Variants in MECOM observed in about 807,000 individuals in gnomAD.
The protein encoded by MECOM is MDS1 and EVI1 complex locus, also known as histone-lysine N-methyltransferase MECOM.
MECOM carries 13 observed loss-of-function variants against 116.3 expected under a neutral mutation model. That is an observed-to-expected ratio of 0.11 (90% CI 0.07 to 0.18). The LOEUF (loss-of-function observed/expected upper bound fraction) is 0.18, where lower values mean the gene tolerates loss of function less well. Among genes scored for constraint, MECOM ranks in the 10% least tolerant of loss-of-function variants. The pLI is 1.00. For synonymous variants in MECOM, 528 were observed against 535.2 expected (o/e 0.99, Z 0.19); for missense variants, 1,299 against 1,509.0 (o/e 0.86, Z 2.31).
intron 2 of MECOM, among the ~76,000 whole-genome samples, chr3:169,350,291 C>G (rs1726099633): frequency 6.6e-6 from 1 of 151,912 alleles, no homozygotes; most frequent in Non-Finnish European, 1.5e-5. Flanking sequence ...AGCTCTACCC[C>G]CAAAGTAGTT....
At chr3:169,453,903 C>T (rs1164098468) in intron 1 of MECOM, among the ~76,000 whole-genome samples, 1 of 151,710 alleles carries the variant, frequency 6.6e-6, no homozygotes. Context: ...GTAAATAAGG[C>T]TAAAAGCAAT....
intron 1 of MECOM, among the ~76,000 whole-genome samples, chr3:169,504,443 G>A (rs1365128545): frequency 6.6e-6 from 1 of 152,016 alleles, no homozygotes; most frequent in Non-Finnish European, 1.5e-5. Context: ...ATTGCTTTAA[G>A]TCTCATTTTA....
intron 2 of MECOM, among the ~76,000 whole-genome samples, chr3:169,238,891 T>A (rs1224919729): frequency 2.0e-5 from 3 of 152,150 alleles, no homozygotes; most frequent in African/African-American, 4.8e-5. Context: ...AAAATATGTA[T>A]TATGATTAAT....
rs146822221 is a variant in MECOM at position 169,595,265 on chromosome 3, T to A, written c.37+68071A>T. 6.6e-5 allele frequency among the ~76,000 whole-genome samples: 10 copies of A among 152,292 alleles called. No individual in the cohort carries two copies. In the East Asian group the frequency reaches 1.9e-3, roughly 29 times the overall value. On this transcript the variant is annotated intron_variant, in intron 1 of 16. Transcript: ENST00000651503. ...TCTAAACCCAAAATGCACAAGGAAGTGAAGTATACGTAGAAAATTCATCTC... is the reference window on the plus strand; with the variant it reads ...TCTAAACCCAAAATGCACAAGGAAGAGAAGTATACGTAGAAAATTCATCTC...
chr3:169,551,677 CT>C (rs1391989774), intron 1 of MECOM, among the ~76,000 whole-genome samples: 1 of 152,204 alleles, frequency 6.6e-6, no homozygotes, highest in Non-Finnish European at 1.5e-5. Flanking sequence ...TATAGAGTTA[CT>C]ATGTTACCCA....
At chr3:169,270,938 T>C (rs1393756095) in intron 2 of MECOM, among the ~76,000 whole-genome samples, 1 of 152,222 alleles carries the variant, frequency 6.6e-6, no homozygotes, top group Non-Finnish European at 1.5e-5. Context: ...TTAAATTTTT[T>C]GTAATACTGC....
At chr3:169,453,234 AAGCAACTAT>A (rs1263772188) in intron 1 of MECOM, among the ~76,000 whole-genome samples, 2 of 152,224 alleles carry the variant, frequency 1.3e-5, no homozygotes, top group Non-Finnish European at 2.9e-5. Context: ...TTCAGAGAGC[AAGCAACTAT>A]ATTTATCCTG....
intron 1 of MECOM, among the ~76,000 whole-genome samples, chr3:169,429,900 T>A (rs1741327196): frequency 6.6e-6 from 1 of 152,224 alleles, no homozygotes; most frequent in Admixed American, 6.5e-5. Context: ...AATCAGGTAG[T>A]CTCTGTGTTG....
chr3:169,599,254 G>A (rs958712944), intron 1 of MECOM, among the ~76,000 whole-genome samples: 1 of 152,184 alleles, frequency 6.6e-6, no homozygotes, highest in South Asian at 2.1e-4. Context: ...GGTGGCTCAT[G>A]CCTGTAATCC....
chr3:169,100,367 G>A lies in MECOM; in HGVS notation c.2849+518C>T, dbSNP rs376037078. Among the ~76,000 whole-genome samples, 4 of 151,910 alleles carry A rather than the reference G, an allele frequency of 2.6e-5. No individual in the cohort carries two copies. In the East Asian group the frequency reaches 7.7e-4, roughly 29 times the overall value. ...ACCTGCCTCTGCCTCCCAAAGTGTCGGGATTACAAGCGTCAGCCACCATGC... is the reference window on the plus strand; with the variant it reads ...ACCTGCCTCTGCCTCCCAAAGTGTCAGGATTACAAGCGTCAGCCACCATGC... On this transcript the variant is annotated intron_variant, in intron 12 of 16. Transcript: ENST00000651503.
intron 1 of MECOM, among the ~76,000 whole-genome samples, chr3:169,408,341 C>T (rs1737019766): frequency 6.6e-6 from 1 of 152,184 alleles, no homozygotes; most frequent in Non-Finnish European, 1.5e-5. Context: ...TATGTCAACA[C>T]ATGATAGGCA....
rs141061770 is a variant in MECOM, at chr3:169,340,334, A to C, written c.375+40853T>G. ...CACTCTAGTAGTGTAAATAGCTTCTAATGTCCCATCTTCCACCTTCAAATA... is the reference window on the plus strand; with the variant it reads ...CACTCTAGTAGTGTAAATAGCTTCTCATGTCCCATCTTCCACCTTCAAATA... On this transcript the variant is annotated intron_variant, in intron 2 of 16. Coordinates refer to ENST00000651503, the MANE Select transcript of MECOM (RefSeq NM_004991.4). Among the ~76,000 whole-genome samples the C allele has an allele frequency of 1.6e-3, 246 of 152,296 alleles. 2 individuals carry two copies. The highest frequency in any genetic ancestry group is 5.7e-3 in the African/African-American group (237 of 41,570).
At chr3:169,131,600 A>C (rs1734733715) in intron 3 of MECOM, 69 bp from the exon 4 acceptor site, 1 of 1,190,154 alleles carries the variant, frequency 8.4e-7, no homozygotes, top group African/African-American at 1.5e-5. Flanking sequence ...ACAAAGGGCA[A>C]GATATACACT....
chr3:169,383,170 G>A (rs1386972063), intron 1 of MECOM, among the ~76,000 whole-genome samples: 1 of 152,088 alleles, frequency 6.6e-6, no homozygotes, highest in Non-Finnish European at 1.5e-5. Flanking sequence ...TTAAAGTTTT[G>A]TGAAGTGTAA....
intron 1 of MECOM, among the ~76,000 whole-genome samples, chr3:169,624,887 T>C (rs1373170549): frequency 6.6e-6 from 1 of 152,132 alleles, no homozygotes; most frequent in Non-Finnish European, 1.5e-5. Flanking sequence ...CGTGTGTATT[T>C]TTACCAGCCC....
chr3:169,649,539 CA>C (rs1774620193), intron 1 of MECOM, among the ~76,000 whole-genome samples: 1 of 151,502 alleles, frequency 6.6e-6, no homozygotes, highest in African/African-American at 2.4e-5. Flanking sequence ...AAATCATTTT[CA>C]GGGGTATATG....
chr3:169,467,760 T>G (rs189650842), intron 1 of MECOM, among the ~76,000 whole-genome samples: 4 of 152,304 alleles, frequency 2.6e-5, no homozygotes, highest in African/African-American at 9.6e-5. Context: ...TTAGTTAAAA[T>G]GAGGCTGAGA....
chr3:169,277,449 T>C (rs559447147), intron 2 of MECOM, among the ~76,000 whole-genome samples: 1 of 152,322 alleles, frequency 6.6e-6, no homozygotes, highest in African/African-American at 2.4e-5. Flanking sequence ...TAAATCTTAA[T>C]GTAGCCTAAA....
At chr3:169,562,556 A>C (rs1762778694) in intron 1 of MECOM, among the ~76,000 whole-genome samples, 1 of 152,150 alleles carries the variant, frequency 6.6e-6, no homozygotes, top group Non-Finnish European at 1.5e-5. Context: ...ACGTGTATTG[A>C]TGTTTAATTG....
Sources: gnomAD v4.1 joint callset for allele counts (sites outside exome capture counted in the v4.1 genomes callset) on GRCh38, gnomAD v4.1.1 for gene constraint, MANE v1.5 for transcripts, NCBI Gene and HGNC (gene_info 2026-07-23, HGNC 2026-07-21) for gene names.